Variants in KSR2 observed in about 807,000 individuals in gnomAD.
KSR2 encodes the protein kinase suppressor of ras 2.
Under a neutral mutation model 107.8 loss-of-function variants are expected in KSR2, and 25 were observed. That is an observed-to-expected ratio of 0.23 (90% CI 0.17 to 0.32). The LOEUF (loss-of-function observed/expected upper bound fraction) is 0.32, where lower values mean the gene tolerates loss of function less well. Ranked by LOEUF, KSR2 falls within the 10% of genes least tolerant of loss-of-function variation. The pLI, the probability that KSR2 is intolerant of heterozygous loss-of-function variation, is 1.00. For missense variants in KSR2, 887 were observed against 1,268.9 expected (o/e 0.70, Z 4.57); for synonymous variants, 480 against 507.0 (o/e 0.95, Z 0.71).
chr12:117,936,351 C>T (rs1895835266), intron 1 of KSR2, among the ~76,000 whole-genome samples: 2 of 151,774 alleles, frequency 1.3e-5, no homozygotes, highest in African/African-American at 4.8e-5. Context: ...TTTTAAGACA[C>T]GGTCTCAATC....
At chr12:117,476,135 T>C (rs1398461450) in intron 17 of KSR2, among the ~76,000 whole-genome samples, 2 of 152,236 alleles carry the variant, frequency 1.3e-5, no homozygotes, top group African/African-American at 2.4e-5. Context: ...TGTTATGTAG[T>C]AATAATGAAG....
Position 117,555,374 on chromosome 12 carries a change from C to T in KSR2, c.1394-81G>A, listed in dbSNP as rs1877608230. 19 of 1,464,022 alleles carry T rather than the reference C, an allele frequency of 1.3e-5. No individual in the cohort carries two copies. In the South Asian group the frequency reaches 2.2e-4, roughly 17 times the overall value. The allele number at this position is 1,464,022 out of a possible 1,614,324, so 90.7% of individuals were successfully genotyped here. A position where few individuals can be genotyped will look rare whatever the true frequency, so the allele number is the denominator to read the frequency against. The stretch of plus-strand genomic sequence containing the variant: ...TGCCAGGACGGCATAGCTCAGATCC[C>T]ACCTCTTAGACCCACCCTCCAGACT... On this transcript the variant is annotated intron_variant, in intron 8 of 19. Transcript: ENST00000339824.
intron 14 of KSR2, among the ~76,000 whole-genome samples, chr12:117,512,455 C>G (rs1874084477): frequency 6.6e-6 from 1 of 152,190 alleles, no homozygotes; most frequent in Non-Finnish European, 1.5e-5. Flanking sequence ...TCCGTATCAC[C>G]TGGGATGACT....
intron 1 of KSR2, among the ~76,000 whole-genome samples, chr12:117,896,649 G>A (rs1894520757): frequency 6.6e-6 from 1 of 151,888 alleles, no homozygotes; most frequent in African/African-American, 2.4e-5. Flanking sequence ...TAGTAGAGAT[G>A]AGGTTTCACC....
chr12:117,727,818 T>C (rs190362578), intron 4 of KSR2, among the ~76,000 whole-genome samples: 1 of 152,280 alleles, frequency 6.6e-6, no homozygotes, highest in Non-Finnish European at 1.5e-5. Flanking sequence ...ACAAATAAAA[T>C]GAGAATGGAC....
chr12:117,527,059 T>G lies in KSR2; in HGVS notation c.1851+12A>C. The G allele has an allele frequency of 6.2e-7, 1 of 1,612,994 alleles. No individual in the cohort carries two copies. The highest frequency in any genetic ancestry group is 8.5e-7 in the Non-Finnish European group (1 of 1,179,036). ...CCTGGAAAATGTCGCTTCACTGCTC[T>G]CTGATTCTCACCTCCGACGTTGGCT... On this transcript the variant is annotated intron_variant, in intron 13 of 19. Coordinates refer to ENST00000339824, the MANE Select transcript of KSR2 (RefSeq NM_173598.6).
intron 1 of KSR2, among the ~76,000 whole-genome samples, chr12:117,936,043 C>CT (rs1325261602): frequency 0.02 from 2,997 of 147,392 alleles, 96 homozygotes; most frequent in African/African-American, 0.068. Flanking sequence ...ATTTATTGAA[C>CT]TTTTTTTTTT....
At chr12:117,906,943 C>T (rs1382661060) in intron 1 of KSR2, among the ~76,000 whole-genome samples, 1 of 151,890 alleles carries the variant, frequency 6.6e-6, no homozygotes, top group Non-Finnish European at 1.5e-5. Flanking sequence ...CGCTTGAACC[C>T]AGGGAGGTGG....
intron 3 of KSR2, among the ~76,000 whole-genome samples, chr12:117,840,757 C>T (rs1892436955): frequency 6.6e-6 from 1 of 151,724 alleles, no homozygotes; most frequent in East Asian, 2.0e-4. Flanking sequence ...AATCCCAACA[C>T]TCTGGGAGGC....
At chr12:117,653,142 C>T (rs1215869746) in intron 5 of KSR2, among the ~76,000 whole-genome samples, 2 of 152,216 alleles carry the variant, frequency 1.3e-5, no homozygotes, top group Admixed American at 6.5e-5. Flanking sequence ...TTCAACTCTC[C>T]CATTTGGTCT....
chr12:117,850,223 G>T (rs1892868886), intron 3 of KSR2, among the ~76,000 whole-genome samples: 1 of 152,176 alleles, frequency 6.6e-6, no homozygotes. Context: ...GGGGCTCAGC[G>T]GTGTAGACCT....
intron 3 of KSR2, among the ~76,000 whole-genome samples, chr12:117,800,901 T>A (rs899051061): frequency 6.6e-6 from 1 of 152,154 alleles, no homozygotes. Context: ...GTTTCTAGCT[T>A]TATCCATGTC....
chr12:117,831,239 T>C (rs1188497660), intron 3 of KSR2, among the ~76,000 whole-genome samples: 2 of 152,246 alleles, frequency 1.3e-5, no homozygotes, highest in African/African-American at 4.8e-5. Context: ...TCTTTTTCCA[T>C]CCTGGTTCTT....
In KSR2 at chr12:117,555,468, A is replaced by G. The variant is rs77072817; in HGVS notation, c.1394-175T>C. 8.2e-3 allele frequency among the ~76,000 whole-genome samples: 1,250 copies of G among 152,384 alleles called. 22 individuals are homozygous for G. Among genetic ancestry groups the G allele is most frequent in the African/African-American group, 0.028 (1,170 of 41,592 alleles). Reference sequence around the variant, plus strand: ...CAGGGTATACTCTGTGGTTTGCAACATATTTCTATTGTCCATATATGACTT... The same window carrying G: ...CAGGGTATACTCTGTGGTTTGCAACGTATTTCTATTGTCCATATATGACTT... On this transcript the variant is annotated intron_variant, in intron 8 of 19. Transcript: ENST00000339824.
intron 1 of KSR2, among the ~76,000 whole-genome samples, chr12:117,868,096 C>T (rs1392267545): frequency 6.6e-6 from 1 of 152,114 alleles, no homozygotes; most frequent in Non-Finnish European, 1.5e-5. Flanking sequence ...GTTAAGGTGT[C>T]CTTGCTAGAT....
intron 14 of KSR2, among the ~76,000 whole-genome samples, chr12:117,486,196 C>A (rs1399193912): frequency 6.6e-6 from 1 of 152,112 alleles, no homozygotes; most frequent in Non-Finnish European, 1.5e-5. Context: ...TGTGTAAACA[C>A]CAGTAATACC....
At chr12:117,632,289 A>G (rs1882845547) in intron 5 of KSR2, among the ~76,000 whole-genome samples, 1 of 134,096 alleles carries the variant, frequency 7.5e-6, no homozygotes, top group South Asian at 2.4e-4. Flanking sequence ...CAGTGGCGCA[A>G]TCTTGGTTCA....
intron 3 of KSR2, among the ~76,000 whole-genome samples, chr12:117,788,460 C>A (rs1566014931): frequency 1.3e-5 from 2 of 152,164 alleles, no homozygotes; most frequent in Non-Finnish European, 2.9e-5. Context: ...ATATTATAAG[C>A]TTTGAAAAAT....
At chr12:117,511,196 C>G (rs1301097992) in intron 14 of KSR2, among the ~76,000 whole-genome samples, 12 of 152,218 alleles carry the variant, frequency 7.9e-5, no homozygotes, top group Admixed American at 7.9e-4. Flanking sequence ...TTTTGGTGAC[C>G]ACTCGGCTTC....
Sources: allele counts gnomAD v4.1 joint callset (sites outside exome capture counted in the v4.1 genomes callset), GRCh38; gene constraint gnomAD v4.1.1; transcripts MANE v1.5; gene names NCBI Gene and HGNC (gene_info 2026-07-23, HGNC 2026-07-21).